Variants in NBPF19 observed in about 807,000 individuals in gnomAD.
The protein encoded by NBPF19 is NBPF family member NBPF19.
Under a neutral mutation model 45.9 loss-of-function variants are expected in NBPF19, and 30 were observed. That is an observed-to-expected ratio of 0.65 (90% confidence interval 0.49 to 0.89). The LOEUF is 0.89. Among genes scored for constraint, NBPF19 ranks in the 40% least tolerant of loss-of-function variants. NBPF19 has a pLI of 0.00. For synonymous variants in NBPF19, 183 were observed against 181.2 expected, an observed-to-expected ratio of 1.01 and a Z score of -0.08; for missense variants, 495 against 471.8, an observed-to-expected ratio of 1.05 and a Z score of -0.46.
Position 149,488,133 on chromosome 1 carries a change from T to G in NBPF19, c.1161T>G (p.Ser387Arg), listed in dbSNP as rs1570989174. The change falls in exon 10 of 94, where the codon AGT becomes AGG. Residue 387 changes from serine (S) to arginine (R), a missense_variant. Ser to Arg is a moderately radical substitution (Grantham distance 110, BLOSUM62 -1). This residue lies in a region of NBPF19 where 146 missense variants were observed against 67.3 expected (regional missense o/e 2.17). Transcript: ENST00000651566. ...CTGACTCATGCCAGCCCTACAGAAG[T>G]GCCTTTTACGTATTGGAGCAACAGC... ...ELTDSCQPYR[S>R]AFYVLEQQRV... The G allele has an allele frequency of 1.0e-5, 7 of 675,660 alleles. No homozygotes were observed. In the East Asian group the frequency reaches 1.6e-4, roughly 16 times the overall value. 41.9% of individuals were successfully genotyped at this position (675,660 alleles called of 1,614,324 possible). A position where few individuals can be genotyped will look rare whatever the true frequency, so the allele number is the denominator to read the frequency against.
chr1:149,519,403 GT>G (rs2086601894), intron 49 of NBPF19, among the ~76,000 whole-genome samples: 1 of 15,548 alleles, frequency 6.4e-5, no homozygotes, highest in African/African-American at 3.2e-4. Flanking sequence ...CCTCATCAGT[GT>G]GTCACCTGGA....
At chr1:149,479,799 C>T (rs1344897193) in intron 4 of NBPF19, among the ~76,000 whole-genome samples, 2 of 150,876 alleles carry the variant, frequency 1.3e-5, no homozygotes, top group Non-Finnish European at 3.0e-5. Flanking sequence ...GAAATGCAAA[C>T]CGTGACAGGA....
chr1:149,487,284 T>C, intron 8 of NBPF19, 48 bp from the exon 9 acceptor site: 1 of 1,377,978 alleles, frequency 7.3e-7, no homozygotes, highest in Admixed American at 1.7e-5. Flanking sequence ...TGTTTCTGTG[T>C]GCAAGGAAGA....
At chr1:149,486,706 G>T (rs1163605458) in intron 8 of NBPF19, among the ~76,000 whole-genome samples, 9 of 151,228 alleles carry the variant, frequency 6.0e-5, no homozygotes, top group African/African-American at 2.2e-4. Context: ...CCTGCCCAAG[G>T]CCAGTGTCAC....
At chr1:149,520,725 C>T (rs2086673630) in intron 51 of NBPF19, 42 bp downstream of exon 51, 1 of 19,018 alleles carries the variant, frequency 5.3e-5, no homozygotes, top group East Asian at 9.4e-4. Context: ...TGTGTTAACA[C>T]CTGGAGGCAA....
At chr1:149,478,188 A>G (rs2084959327) in intron 3 of NBPF19, 141 bp downstream of exon 3, 2 of 740,522 alleles carry the variant, frequency 2.7e-6, no homozygotes, top group East Asian at 2.5e-5. Context: ...ACACACAAAT[A>G]TTTATCAGTG....
At chr1:149,487,489 A>T in intron 9 of NBPF19, 106 bp downstream of exon 9, 2 of 998,448 alleles carry the variant, frequency 2.0e-6, no homozygotes, top group Non-Finnish European at 1.6e-6. Flanking sequence ...CTTGTCAGAC[A>T]AGTCTGAATT....
At chr1:149,554,216 C>A (rs1291947525) in intron 93 of NBPF19, among the ~76,000 whole-genome samples, 2 of 151,026 alleles carry the variant, frequency 1.3e-5, no homozygotes, top group East Asian at 3.9e-4. Flanking sequence ...CTCAGAGTGT[C>A]CTTTTACTCC....
chr1:149,529,023 C>T (rs1198753320), intron 61 of NBPF19, among the ~76,000 whole-genome samples, 151 bp from the exon 62 acceptor site: 3 of 119,534 alleles, frequency 2.5e-5, no homozygotes, highest in Non-Finnish European at 3.5e-5. Context: ...CCTGTTCTGT[C>T]CCAACATGAA....
At position 149,491,194 on chromosome 1, in the gene NBPF19, G is replaced by T; in HGVS notation, c.1546G>T (p.Asp516Tyr). The change falls in exon 14 of 94, where the codon GAT (aspartate) becomes TAT (tyrosine). Residue 516 changes from aspartate to tyrosine, a missense_variant. Around this residue, in one of 8 missense-constraint regions of NBPF19, gnomAD observed 146 missense variants for 67.3 expected, o/e 2.17. Transcript: ENST00000651566. ...VEPEVLQDSL[D>Y]RCYSTPSSCL... ...GCCTGAAGTCTTGCAGGACTCACTG[G>T]ATAGATGTTATTCAACTCCTTCCAG... The T allele has an allele frequency of 3.4e-6, 1 of 290,824 alleles. No individual in the cohort carries two copies. Among genetic ancestry groups the T allele is most frequent in the Non-Finnish European group, 5.8e-6 (1 of 173,370 alleles). The allele number at this position is 290,824 out of a possible 1,614,324, so 18.0% of individuals were successfully genotyped here.
chr1:149,515,328 G>A, intron 44 of NBPF19, among the ~76,000 whole-genome samples: 1 of 48,904 alleles, frequency 2.0e-5, no homozygotes. Context: ...CCATACCTGT[G>A]GCGCCCTGAT....
chr1:149,490,971 A>G (rs1427502278), intron 13 of NBPF19, among the ~76,000 whole-genome samples, 168 bp from the exon 14 acceptor site: 1 of 125,158 alleles, frequency 8.0e-6, no homozygotes, highest in Non-Finnish European at 1.6e-5. Flanking sequence ...ATTCTTTTCC[A>G]TTTGGCCCTG....
intron 7 of NBPF19, among the ~76,000 whole-genome samples, chr1:149,483,508 CTG>C (rs1259284825): frequency 5.1e-5 from 7 of 137,568 alleles, no homozygotes; most frequent in African/African-American, 1.9e-4. Context: ...TGTTTTTTAA[CTG>C]GGGCATTTAG....
intron 4 of NBPF19, among the ~76,000 whole-genome samples, 193 bp from the exon 5 acceptor site, chr1:149,479,949 C>T (rs1387619441): frequency 1.3e-5 from 2 of 151,038 alleles, no homozygotes; most frequent in South Asian, 2.1e-4. Flanking sequence ...GATGGTGGCC[C>T]TCCAGATCAG....
intron 9 of NBPF19, 35 bp from the exon 10 acceptor site, chr1:149,487,978 C>T (rs1192004116): frequency 1.4e-6 from 1 of 693,594 alleles, no homozygotes; most frequent in Admixed American, 2.1e-5. Flanking sequence ...TCTGATTCCC[C>T]CTGGCTTATT....
chr1:149,528,951 G>C (rs1382362092), intron 61 of NBPF19, among the ~76,000 whole-genome samples: 22 of 128,488 alleles, frequency 1.7e-4, no homozygotes, highest in South Asian at 2.7e-4. Context: ...CTCTCTGTGT[G>C]TGTGTGTGTG....
intron 9 of NBPF19, 78 bp downstream of exon 9, chr1:149,487,461 T>G: frequency 1.0e-6 from 1 of 956,970 alleles, no homozygotes; most frequent in Non-Finnish European, 1.7e-6. Context: ...CAGTACATGC[T>G]GAAAATAATG....
chr1:149,481,473 ATT>A (rs1190866284), intron 6 of NBPF19, among the ~76,000 whole-genome samples: 359 of 66,496 alleles, frequency 5.4e-3, no homozygotes, highest in African/African-American at 0.013. Flanking sequence ...AGCATCGTGG[ATT>A]TTTTTTTTTT....
chr1:149,487,715 T>C (rs1218704312), intron 9 of NBPF19, among the ~76,000 whole-genome samples: 1 of 149,712 alleles, frequency 6.7e-6, no homozygotes, highest in Non-Finnish European at 1.5e-5. Flanking sequence ...AGAGCACAAA[T>C]ACAGAGTGTC....
Sources: allele counts gnomAD v4.1 joint callset (sites outside exome capture counted in the v4.1 genomes callset), GRCh38; gene constraint gnomAD v4.1.1; regional missense constraint gnomAD v4.1.1; transcripts MANE v1.5; gene names NCBI Gene and HGNC (gene_info 2026-07-23, HGNC 2026-07-21).